The following MOSMO variants were observed in gnomAD, a reference collection of about 807,000 sequenced individuals.
MOSMO encodes the protein modulator of smoothened protein.
MOSMO carries 5 observed loss-of-function variants against 18.4 expected under a neutral mutation model. The observed-to-expected ratio is 0.27, with a 90% CI of 0.14 to 0.57. MOSMO has a LOEUF of 0.57. MOSMO is among the 20% of genes least tolerant of loss of function. The pLI is 0.92. For missense variants in MOSMO, 138 were observed against 211.8 expected, an observed-to-expected ratio of 0.65 and a Z score of 2.16; for synonymous variants, 82 against 82.3, an observed-to-expected ratio of 1.00 and a Z score of 0.02.
chr16:22,058,689 GAGA>G (rs1900586058), intron 1 of MOSMO, among the ~76,000 whole-genome samples: 1 of 152,170 alleles, frequency 6.6e-6, no homozygotes, highest in African/African-American at 2.4e-5. Context: ...TGGTGCCATT[GAGA>G]AGGACACTGG....
chr16:22,034,758 T>G (rs1429681178), intron 1 of MOSMO, among the ~76,000 whole-genome samples: 4 of 140,950 alleles, frequency 2.8e-5, no homozygotes, highest in African/African-American at 1.1e-4. Flanking sequence ...TTTTTTTTTT[T>G]TTTTTTTTTT....
intron 1 of MOSMO, among the ~76,000 whole-genome samples, chr16:22,050,929 A>G (rs1900412866): frequency 6.6e-6 from 1 of 151,340 alleles, no homozygotes; most frequent in African/African-American, 2.4e-5. Flanking sequence ...AGGTTGAGAA[A>G]CCTACTGTAG....
chr16:22,085,524 T>A (rs1598030767), downstream of MOSMO: 3 of 152,116 alleles, frequency 2.0e-5, no homozygotes, highest in Admixed American at 2.0e-4. Flanking sequence ...GCTGCTATGG[T>A]GGAGGGGACA....
chr16:22,088,899 C>G (rs1901238103), downstream of MOSMO, among the ~76,000 whole-genome samples: 1 of 151,930 alleles, frequency 6.6e-6, no homozygotes, highest in East Asian at 1.9e-4. Context: ...TTCCTTGGCT[C>G]AAACATGAGC....
Position 22,075,484 on chromosome 16 carries a change from C to T in MOSMO, c.107-3C>T. On this transcript the variant is annotated splice_polypyrimidine_tract_variant and splice_region_variant and intron_variant, in intron 1 of 2. Coordinates refer to ENST00000542527, the MANE Select transcript of MOSMO (RefSeq NM_001164579.2). ...AGTATTCCCACCATTTGCATCTCCC[C>T]AGGAGCACTCACTGTGGGCCTCGTG... is the stretch of plus-strand genomic sequence containing the variant. The T allele has an allele frequency of 1.3e-6, 2 of 1,536,990 alleles. No homozygotes were observed. Among genetic ancestry groups the T allele is most frequent in the Non-Finnish European group, 1.7e-6 (2 of 1,146,668 alleles).
At chr16:22,054,087 G>A (rs1270374724) in intron 1 of MOSMO, among the ~76,000 whole-genome samples, 1 of 134,818 alleles carries the variant, frequency 7.4e-6, no homozygotes, top group Non-Finnish European at 1.5e-5. Context: ...ATAAAAAGAA[G>A]ACACTTTTTT....
chr16:22,045,753 C>G (rs1219695403), intron 1 of MOSMO, among the ~76,000 whole-genome samples: 2 of 151,996 alleles, frequency 1.3e-5, no homozygotes, highest in Admixed American at 6.6e-5. Flanking sequence ...GGAAAAATTG[C>G]AAGTCTTTTT....
At chr16:22,066,160 C>T (rs1297782193) in intron 1 of MOSMO, among the ~76,000 whole-genome samples, 1 of 152,132 alleles carries the variant, frequency 6.6e-6, no homozygotes, top group Non-Finnish European at 1.5e-5. Context: ...AAAGCCCCAT[C>T]CCCAGAGAAT....
intron 1 of MOSMO, among the ~76,000 whole-genome samples, chr16:22,050,631 T>G (rs1231622796): frequency 6.6e-6 from 1 of 152,164 alleles, no homozygotes; most frequent in Non-Finnish European, 1.5e-5. Flanking sequence ...GGCTTATGTC[T>G]TTAATCCCAG....
At chr16:22,015,133 A>T (rs1899611468) in intron 1 of MOSMO, among the ~76,000 whole-genome samples, 1 of 152,134 alleles carries the variant, frequency 6.6e-6, no homozygotes, top group Non-Finnish European at 1.5e-5. Flanking sequence ...AACCCCTAAT[A>T]TGCTTTCTGT....
At chr16:22,079,039 A>C (rs1199219618) in intron 2 of MOSMO, among the ~76,000 whole-genome samples, 2 of 152,190 alleles carry the variant, frequency 1.3e-5, no homozygotes, top group Non-Finnish European at 2.9e-5. Flanking sequence ...TACAAGTAAG[A>C]GTGCTGTTGT....
intron 1 of MOSMO, among the ~76,000 whole-genome samples, chr16:22,010,388 G>A (rs1041451416): frequency 3.9e-5 from 6 of 152,130 alleles, no homozygotes; most frequent in Non-Finnish European, 7.4e-5. Context: ...ACCTGTTGAT[G>A]TTTTTATCCT....
At chr16:22,080,167 G>A (rs764739227) in intron 2 of MOSMO, among the ~76,000 whole-genome samples, 1 of 152,120 alleles carries the variant, frequency 6.6e-6, no homozygotes, top group Non-Finnish European at 1.5e-5. Context: ...CACTAACACT[G>A]AGAGGAACAG....
At chr16:22,052,977 C>T (rs112886260) in intron 1 of MOSMO, among the ~76,000 whole-genome samples, 4,298 of 126,786 alleles carry the variant, frequency 0.034, 232 homozygotes, top group African/African-American at 0.12. Flanking sequence ...TTTTTTGAGA[C>T]GGAGTCTCAC....
chr16:22,035,246 G>A (rs890162347), intron 1 of MOSMO, among the ~76,000 whole-genome samples: 3 of 152,168 alleles, frequency 2.0e-5, no homozygotes, highest in Admixed American at 1.3e-4. Context: ...ACTTAGGTGA[G>A]ACAGGAAAGC....
chr16:22,038,060 A>G (rs1202076879), intron 1 of MOSMO, among the ~76,000 whole-genome samples: 1 of 152,182 alleles, frequency 6.6e-6, no homozygotes, highest in Admixed American at 6.5e-5. Flanking sequence ...CTGAAGCTAC[A>G]TAGGGGCTGC....
At chr16:22,067,399 A>T (rs373745334) in intron 1 of MOSMO, among the ~76,000 whole-genome samples, 13 of 152,238 alleles carry the variant, frequency 8.5e-5, no homozygotes, top group African/African-American at 2.7e-4. Flanking sequence ...AAAGTAATAT[A>T]CATTCAGAAA....
At chr16:22,070,659 ACT>A (rs1389087532) in intron 1 of MOSMO, among the ~76,000 whole-genome samples, 1 of 151,172 alleles carries the variant, frequency 6.6e-6, no homozygotes, top group Non-Finnish European at 1.5e-5. Flanking sequence ...TTACCTGTTC[ACT>A]CTTTTTTTTT....
intron 1 of MOSMO, among the ~76,000 whole-genome samples, chr16:22,047,313 C>T (rs1002065068): frequency 2.7e-5 from 4 of 145,876 alleles, no homozygotes; most frequent in Non-Finnish European, 5.9e-5. Flanking sequence ...GGCACAATCT[C>T]GGCTCACTGC....
Sources: gnomAD v4.1 joint callset for allele counts (sites outside exome capture counted in the v4.1 genomes callset) on GRCh38, gnomAD v4.1.1 for gene constraint, MANE v1.5 for transcripts, NCBI Gene and HGNC (gene_info 2026-07-23, HGNC 2026-07-21) for gene names.